Variants in TCF25 observed in about 807,000 individuals in gnomAD.
TCF25 encodes ribosome quality control complex subunit TCF25.
In TCF25, 41 loss-of-function variants were observed where a neutral mutation model predicts 83.1. The ratio of observed to expected loss-of-function variants is 0.49; its 90% CI spans 0.38 to 0.64. The LOEUF is 0.64. TCF25 is among the 30% of genes least tolerant of loss of function. The pLI is 0.00. For synonymous variants in TCF25, 458 were observed against 365.0 expected (o/e 1.25, Z -2.90); for missense variants, 979 against 914.5 (o/e 1.07, Z -0.91).
At chr16:89,906,339 C>T (rs1189106981) in intron 15 of TCF25, 55 bp downstream of exon 15, 7 of 1,566,398 alleles carry the variant, frequency 4.5e-6, no homozygotes, top group Non-Finnish European at 6.1e-6. Context: ...CATGCACGTC[C>T]CTTCTGCTCC....
At chr16:89,880,828 T>G (rs1235105836) in intron 1 of TCF25, among the ~76,000 whole-genome samples, 1 of 151,762 alleles carries the variant, frequency 6.6e-6, no homozygotes, top group Non-Finnish European at 1.5e-5. Flanking sequence ...ACCCACAGGT[T>G]AGAAACATTT....
intron 1 of TCF25, among the ~76,000 whole-genome samples, chr16:89,882,277 G>A (rs1230946139): frequency 6.6e-6 from 1 of 152,238 alleles, no homozygotes; most frequent in Non-Finnish European, 1.5e-5. Flanking sequence ...GCTCACGCCT[G>A]TAACTCCAGC....
intron 12 of TCF25, 67 bp from the exon 13 acceptor site, chr16:89,904,051 C>A: frequency 6.6e-7 from 1 of 1,507,114 alleles, no homozygotes. Context: ...TCCCTTACTG[C>A]CTTGGGGGCT....
At chr16:89,904,679 A>AC (rs144019234) in intron 13 of TCF25, 20,760 of 611,504 alleles carry the variant, frequency 0.034, 1,056 homozygotes, top group African/African-American at 0.16. Context: ...ACGCAGATGG[A>AC]CCCGCCCTGG....
At chr16:89,893,654 A>T in intron 6 of TCF25, 74 bp from the exon 7 acceptor site, 1 of 1,607,186 alleles carries the variant, frequency 6.2e-7, no homozygotes, top group Non-Finnish European at 8.5e-7. Flanking sequence ...AACACCACGA[A>T]GGTGAGGGCT....
chr16:89,887,712 G>A lies in TCF25; in HGVS notation c.609G>A (p.Glu203=), dbSNP rs1158572984. Residue 203 remains glutamate (E), a synonymous_variant, in exon 5 of 18, where the codon GAG becomes GAA. Coordinates refer to ENST00000263346, the MANE Select transcript of TCF25 (RefSeq NM_014972.3). ...TTGGTGCCCGGGCAATCCTGGGGGAGCAAAGGTAAGGTCCACAGTGAGCTG... is the reference window on the plus strand; with the variant it reads ...TTGGTGCCCGGGCAATCCTGGGGGAACAAAGGTAAGGTCCACAGTGAGCTG... ...RYFGARAILG[E]QRPRQRQRVY... The A allele has an allele frequency of 6.3e-7, 1 of 1,588,380 alleles. No individual in the cohort carries two copies. The highest frequency in any genetic ancestry group is 2.3e-5 in the East Asian group (1 of 43,560).
At chr16:89,903,222 A>T (rs2044494202) in intron 12 of TCF25, among the ~76,000 whole-genome samples, 1 of 152,164 alleles carries the variant, frequency 6.6e-6, no homozygotes, top group Non-Finnish European at 1.5e-5. Flanking sequence ...GCTGCCACTT[A>T]CCCCAGAACA....
At chr16:89,881,232 G>C (rs1259187315) in intron 1 of TCF25, among the ~76,000 whole-genome samples, 1 of 152,164 alleles carries the variant, frequency 6.6e-6, no homozygotes, top group Non-Finnish European at 1.5e-5. Context: ...CGGGGTGTCT[G>C]TCTTCCCAGG....
intron 8 of TCF25, 31 bp downstream of exon 8, chr16:89,895,168 A>G (rs769784615): frequency 6.3e-7 from 1 of 1,590,338 alleles, no homozygotes; most frequent in East Asian, 2.2e-5. Context: ...CATTCCCCTC[A>G]GCTGTGGGAG....
chr16:89,873,733 C>G lies in TCF25; in HGVS notation c.66C>G (p.Gly22=). The G allele has an allele frequency of 6.2e-7, 1 of 1,611,340 alleles. No homozygotes were observed. The highest frequency in any genetic ancestry group is 8.5e-7 in the Non-Finnish European group (1 of 1,179,414). The change falls in exon 1 of 18, where the codon GGC becomes GGG. Residue 22 remains glycine (G), a synonymous_variant. Coordinates refer to ENST00000263346, the MANE Select transcript of TCF25 (RefSeq NM_014972.3). The part of the protein sequence containing the change: ...EQRGQEPLGP[G]ALHFDLRDDD... ...GCGGCCAGGAGCCCCTCGGGCCCGGCGCCTTGCATTTCGATCTCCGTGATG... is the reference window on the plus strand; with the variant it reads ...GCGGCCAGGAGCCCCTCGGGCCCGGGGCCTTGCATTTCGATCTCCGTGATG...
intron 4 of TCF25, among the ~76,000 whole-genome samples, chr16:89,886,899 C>T (rs889359727): frequency 4.0e-5 from 6 of 150,834 alleles, no homozygotes; most frequent in East Asian, 3.9e-4. Flanking sequence ...ATCGAGATCG[C>T]GCCACTGCAC....
chr16:89,899,330 G>T (rs2044134311), intron 11 of TCF25, among the ~76,000 whole-genome samples: 1 of 152,190 alleles, frequency 6.6e-6, no homozygotes, highest in African/African-American at 2.4e-5. Context: ...CTTGAGCTCT[G>T]TCCCCAGTAA....
intron 1 of TCF25, among the ~76,000 whole-genome samples, chr16:89,876,618 C>A (rs1198172936): frequency 6.6e-6 from 1 of 151,756 alleles, no homozygotes; most frequent in South Asian, 2.1e-4. Context: ...TGGTGAAACC[C>A]CATCTCTACT....
chr16:89,894,902 C>A, intron 7 of TCF25, 136 bp from the exon 8 acceptor site: 1 of 640,878 alleles, frequency 1.6e-6, no homozygotes, highest in South Asian at 2.0e-5. Flanking sequence ...GCCTCAGCCT[C>A]CCAAAGTGGT....
intron 1 of TCF25, among the ~76,000 whole-genome samples, chr16:89,876,927 T>TAAA (rs71137687): frequency 0.025 from 1,672 of 67,998 alleles, 111 homozygotes; most frequent in African/African-American, 0.11. Context: ...AGACTCCATC[T>TAAA]AAAAAAAAAA....
At chr16:89,892,085 T>A (rs1597324001) in intron 5 of TCF25, 108 bp from the exon 6 acceptor site, 1 of 1,073,510 alleles carries the variant, frequency 9.3e-7, no homozygotes. Flanking sequence ...ACATGCCTTC[T>A]CTGCCCCTCA....
Position 89,873,637 on chromosome 16 carries a change from C to G in TCF25, c.-31C>G, listed in dbSNP as rs369986838. On this transcript the variant is annotated 5_prime_UTR_variant, in exon 1 of 18. Coordinates refer to ENST00000263346, the MANE Select transcript of TCF25 (RefSeq NM_014972.3). ...CCGAGTTTTCTGCGCTTCCTTCTCCCTCTCTCCAGACGTCGTGGTCGTTCG... is the reference window on the plus strand; with the variant it reads ...CCGAGTTTTCTGCGCTTCCTTCTCCGTCTCTCCAGACGTCGTGGTCGTTCG... 1.3e-6 allele frequency: 2 copies of G among 1,505,536 alleles called. No homozygotes were observed. The highest frequency in any genetic ancestry group is 1.8e-6 in the Non-Finnish European group (2 of 1,131,548). 93.3% of individuals were successfully genotyped at this position (1,505,536 alleles called of 1,614,324 possible).
Position 89,887,747 on chromosome 16 carries a change from A to T in TCF25, c.614+30A>T, listed in dbSNP as rs755755495. On this transcript the variant is annotated intron_variant, in intron 5 of 17. Coordinates refer to ENST00000263346, the MANE Select transcript of TCF25 (RefSeq NM_014972.3). ...GGTCCACAGTGAGCTGCATTCTCACAGCTGCTTCATTCCTTCTTAGACTCT... is the reference window on the plus strand; with the variant it reads ...GGTCCACAGTGAGCTGCATTCTCACTGCTGCTTCATTCCTTCTTAGACTCT... 3 of 1,534,678 alleles carry T rather than the reference A, an allele frequency of 2.0e-6. No homozygotes were observed. The Admixed American group carries it at 6.9e-5, about 35-fold the overall frequency.
At chr16:89,881,697 A>C (rs978726216) in intron 1 of TCF25, among the ~76,000 whole-genome samples, 14 of 151,744 alleles carry the variant, frequency 9.2e-5, no homozygotes, top group Admixed American at 4.6e-4. Flanking sequence ...CTCCTGCCTC[A>C]GCCTCCCAAA....
Sources: allele counts gnomAD v4.1 joint callset (sites outside exome capture counted in the v4.1 genomes callset), GRCh38; gene constraint gnomAD v4.1.1; transcripts MANE v1.5; gene names NCBI Gene and HGNC (gene_info 2026-07-23, HGNC 2026-07-21).